Variants in RIF1 observed in about 807,000 individuals in gnomAD.
The protein encoded by RIF1 is telomere-associated protein RIF1.
Under a neutral mutation model 247.1 loss-of-function variants are expected in RIF1, and 45 were observed. The observed-to-expected ratio is 0.18, with a 90% CI of 0.14 to 0.23. The LOEUF is 0.23. Among genes scored for constraint, RIF1 ranks in the 10% least tolerant of loss-of-function variants. The probability of loss-of-function intolerance (pLI) is 1.00; values close to 1 mark genes in which losing one functional copy is unlikely to be tolerated. For missense variants in RIF1, 2,967 were observed against 2,862.5 expected (o/e 1.04, Z -0.83); for synonymous variants, 1,087 against 978.8 (o/e 1.11, Z -2.06).
intron 13 of RIF1, chr2:151,507,647 C>T (rs1427781771): frequency 1.6e-4 from 35 of 223,956 alleles, no homozygotes; most frequent in Non-Finnish European, 1.6e-4. Flanking sequence ...ACACATATTT[C>T]CCTGTTTCTT....
At chr2:151,529,000 T>G in the RIF1 span, among the ~76,000 whole-genome samples, 1 of 152,234 alleles carries the variant, frequency 6.6e-6, no homozygotes, top group Non-Finnish European at 1.5e-5. Flanking sequence ...TGGCATGGGA[T>G]GAAGCTTCCT....
intron 8 of RIF1, among the ~76,000 whole-genome samples, chr2:151,424,074 C>T (rs986152720): frequency 2.6e-5 from 4 of 152,114 alleles, no homozygotes; most frequent in Non-Finnish European, 5.9e-5. Flanking sequence ...TATGCCCTTC[C>T]GTGTCTGGCT....
At chr2:151,413,996 ATGGTATGAGT>A (rs1253141177) in intron 3 of RIF1, among the ~76,000 whole-genome samples, 1 of 152,192 alleles carries the variant, frequency 6.6e-6, no homozygotes, top group African/African-American at 2.4e-5. Context: ...TTTTACATAA[ATGGTATGAGT>A]TGGGCTTTAA....
chr2:151,510,417 A>G (rs1176909231), downstream of RIF1, among the ~76,000 whole-genome samples: 2 of 152,344 alleles, frequency 1.3e-5, no homozygotes, highest in East Asian at 1.9e-4. Context: ...TAACTTAACC[A>G]TTCATTTAGT....
At chr2:151,533,408 T>G in the RIF1 span, 15 of 1,429,820 alleles carry the variant, frequency 1.0e-5, no homozygotes, top group Non-Finnish European at 1.4e-5. Context: ...AGACTTCTTC[T>G]AAACCTCCTT....
intron 17 of RIF1, 28 bp downstream of exon 17, chr2:151,443,357 T>C (rs750289312): frequency 6.8e-7 from 1 of 1,473,308 alleles, no homozygotes; most frequent in East Asian, 2.3e-5. Flanking sequence ...CTTGAAACTT[T>C]GTCTTGGAAA....
chr2:151,410,202 G>A lies in RIF1; in HGVS notation c.-11+169G>A. On this transcript the variant is annotated intron_variant, in intron 1 of 35. Transcript: ENST00000444746. The stretch of plus-strand genomic sequence containing the variant: ...GAAAGTGGTGGCGGGAGCGGGCCCA[G>A]GCCCGAATGTGGCGTGGGCTCAGGT... The A allele has an allele frequency of 6.3e-6, 4 of 637,052 alleles. 1 individual carries two copies. The highest frequency in any genetic ancestry group is 5.3e-5 in the South Asian group (3 of 56,482). 39.5% of individuals were successfully genotyped at this position (637,052 alleles called of 1,614,324 possible).
In RIF1 at chr2:151,490,031, A is replaced by G. The variant is rs965449402; in HGVS notation, c.*416-5198A>G. ...CCGTTGTCTGTTGGGTAGCAACTGA[A>G]GATGATCGTTGTTGTGGGAGCTCTG... On this transcript the variant is annotated intron_variant and NMD_transcript_variant, in intron 9 of 13. Coordinates refer to the RIF1 transcript ENST00000454583. 1.9e-6 allele frequency: 3 copies of G among 1,613,618 alleles called. No homozygotes were observed. In the African/African-American group the frequency reaches 4.0e-5, roughly 22 times the overall value.
intron 9 of RIF1, among the ~76,000 whole-genome samples, chr2:151,429,525 T>C (rs548915508): frequency 1.2e-4 from 19 of 152,338 alleles, no homozygotes; most frequent in African/African-American, 3.8e-4. Context: ...TTGAGTACTT[T>C]ATGTATATTT....
At chr2:151,443,393 A>G in intron 17 of RIF1, 64 bp downstream of exon 17, 1 of 1,310,824 alleles carries the variant, frequency 7.6e-7, no homozygotes, top group East Asian at 2.3e-5. Context: ...GAGATTATTT[A>G]TGTACTATTT....
rs374029795 is a variant in RIF1 at position 151,506,178 on chromosome 2, G to C, written c.*862-32G>C. 47 of 1,611,558 alleles carry C rather than the reference G, an allele frequency of 2.9e-5. No individual in the cohort carries two copies. Among genetic ancestry groups the C allele is most frequent in the Non-Finnish European group, 3.7e-5 (44 of 1,177,750 alleles). ...ACTGTGTCTTTACCGAGCTAATGTG[G>C]TCCTGTGTTTGTTTCACTCTCATCA... is the stretch of plus-strand genomic sequence containing the variant. On this transcript the variant is annotated intron_variant and NMD_transcript_variant, in intron 12 of 13. Coordinates refer to the RIF1 transcript ENST00000454583.
chr2:151,524,901 C>T, the RIF1 span, among the ~76,000 whole-genome samples: 5 of 151,914 alleles, frequency 3.3e-5, no homozygotes, highest in African/African-American at 7.3e-5. Flanking sequence ...CTCCTGACCT[C>T]GTGATCTGCC....
In RIF1 at chr2:151,474,014, A is replaced by G. The variant is rs148142968; in HGVS notation, c.7146A>G (p.Lys2382=). Residue 2382 remains lysine, a synonymous_variant, in exon 35 of 36, where the codon AAA becomes AAG. Transcript: ENST00000444746. ...TTCCAGTTTTTGATATTTCTGAAAA[A>G]ACAGTAAATGGAATAGAAAATAAAT... ...EEIPVFDISE[K]TVNGIENKSL... 2.0e-4 allele frequency: 323 copies of G among 1,597,506 alleles called. 1 individual carries two copies. The highest frequency in any genetic ancestry group is 2.6e-4 in the Non-Finnish European group (309 of 1,166,212).
chr2:151,451,547 T>G (rs1694320355), intron 20 of RIF1, 59 bp from the exon 21 acceptor site: 2 of 843,256 alleles, frequency 2.4e-6, no homozygotes, highest in East Asian at 4.9e-5. Context: ...TGTTGCTTAC[T>G]TTTGTTGAAT....
chr2:151,525,344 TGAAATCTCCAG>T, the RIF1 span: 1 of 1,131,178 alleles, frequency 8.8e-7, no homozygotes, highest in South Asian at 1.3e-5. Context: ...TGAAGAACTG[TGAAATCTCCAG>T]GAAAATCCAT....
At chr2:151,532,104 T>C in the RIF1 span, 1 of 457,778 alleles carries the variant, frequency 2.2e-6, no homozygotes, top group Non-Finnish European at 3.9e-6. Flanking sequence ...TTCCTTTTTT[T>C]GTTTCCCTCC....
chr2:151,505,912 C>T, intron 12 of RIF1: 1 of 561,516 alleles, frequency 1.8e-6, no homozygotes, highest in Non-Finnish European at 3.2e-6. Context: ...AAGGTTGGTT[C>T]TTTGACTGTA....
In RIF1 at chr2:151,478,267, C is replaced by G. The variant is rs1574208761; in HGVS notation, c.*3196C>G. 2 of 152,226 alleles carry G rather than the reference C, an allele frequency of 1.3e-5. No homozygotes were observed. Among genetic ancestry groups the G allele is most frequent in the South Asian group, 2.1e-4 (1 of 4,834 alleles). The allele number at this position is 152,226 out of a possible 1,614,324, so 9.4% of individuals were successfully genotyped here. ...GACTGAAGGCCCGGCAGGTGGATCA[C>G]TTTGGCCCAGGAGTTCAAAACTGAC... On this transcript the variant is annotated 3_prime_UTR_variant, in exon 36 of 36. Transcript: ENST00000444746.
chr2:151,464,997 C>G lies in RIF1; in HGVS notation c.5477C>G (p.Ser1826Cys), dbSNP rs1696691629. 1 of 1,576,854 alleles carries G rather than the reference C, an allele frequency of 6.3e-7. No individual in the cohort carries two copies. Among genetic ancestry groups the G allele is most frequent in the Non-Finnish European group, 8.6e-7 (1 of 1,169,208 alleles). Residue 1826 changes from serine to cysteine, a missense_variant, in exon 30 of 36, where the codon TCT becomes TGT. Transcript: ENST00000444746. The part of the protein sequence containing the change: ...TKSKENTMQE[S>C]LPSGIVNFRE... ...TCAAAAGAAAACACTATGCAAGAAT[C>G]TCTTCCTTCTGGAATAGTAAACTTT...
Sources: allele counts gnomAD v4.1 joint callset (sites outside exome capture counted in the v4.1 genomes callset), GRCh38; gene constraint gnomAD v4.1.1; transcripts MANE v1.5; gene names NCBI Gene and HGNC (gene_info 2026-07-23, HGNC 2026-07-21).